Variants in INPP5D observed in about 807,000 individuals in gnomAD.
The protein encoded by INPP5D is phosphatidylinositol 3,4,5-trisphosphate 5-phosphatase 1.
In INPP5D, 33 loss-of-function variants were observed where a neutral mutation model predicts 122.9. That is an observed-to-expected ratio of 0.27 (90% CI 0.20 to 0.36). INPP5D has a LOEUF of 0.36. Ranked by LOEUF, INPP5D falls within the 10% of genes least tolerant of loss-of-function variation. The pLI, the probability that INPP5D is intolerant of heterozygous loss-of-function variation, is 1.00. For synonymous variants in INPP5D, 584 were observed against 576.2 expected (o/e 1.01, Z -0.19); for missense variants, 1,053 against 1,412.7 (o/e 0.75, Z 4.08).
chr2:233,091,413 C>T (rs534556986), intron 2 of INPP5D, among the ~76,000 whole-genome samples: 1 of 152,310 alleles, frequency 6.6e-6, no homozygotes, highest in East Asian at 1.9e-4. Context: ...TCACTGGGCT[C>T]AGGTCAAGGT....
At chr2:233,060,816 A>G (rs1187397629) in intron 1 of INPP5D, among the ~76,000 whole-genome samples, 1 of 152,106 alleles carries the variant, frequency 6.6e-6, no homozygotes, top group Non-Finnish European at 1.5e-5. Flanking sequence ...TGTCAGAACC[A>G]CTCTGAGGCC....
At chr2:233,198,439 C>A in intron 25 of INPP5D, 63 bp downstream of exon 25, 2 of 1,538,026 alleles carry the variant, frequency 1.3e-6, no homozygotes, top group East Asian at 2.3e-5. Context: ...GGGCTTTGGG[C>A]TTTCACCCTA....
intron 13 of INPP5D, among the ~76,000 whole-genome samples, chr2:233,166,707 G>C (rs191211086): frequency 6.6e-6 from 1 of 152,238 alleles, no homozygotes; most frequent in Admixed American, 6.5e-5. Context: ...AATGCTGGTC[G>C]GTGTGGTAGG....
In INPP5D at chr2:233,189,000, G is replaced by A. The variant is rs1443664985; in HGVS notation, c.2359-850G>A. 6.6e-6 allele frequency among the ~76,000 whole-genome samples: 1 copy of A among 152,138 alleles called. No individual in the cohort carries two copies. Among genetic ancestry groups the A allele is most frequent in the African/African-American group, 2.4e-5 (1 of 41,418 alleles). On this transcript the variant is annotated intron_variant, in intron 21 of 26. Coordinates refer to ENST00000445964, the MANE Select transcript of INPP5D (RefSeq NM_001017915.3). This position sits in a 1 kb window ranked among gnomAD's most constrained non-coding sequence, Gnocchi z 4.7. Reference sequence around the variant, plus strand: ...GAACAAAGTATCACCTTTTTATTTGGCCCTTCTGTATGGGAGTCATCGTGA... The same window carrying A: ...GAACAAAGTATCACCTTTTTATTTGACCCTTCTGTATGGGAGTCATCGTGA...
intron 1 of INPP5D, among the ~76,000 whole-genome samples, chr2:233,069,187 C>G (rs28605384): frequency 0.16 from 23,634 of 152,142 alleles, 2,054 homozygotes; most frequent in Middle Eastern, 0.22. Flanking sequence ...AGGCCCCTAA[C>G]AGTTTGGGTT....
At chr2:233,172,362 G>A (rs1158258550) in intron 17 of INPP5D, among the ~76,000 whole-genome samples, 1 of 152,206 alleles carries the variant, frequency 6.6e-6, no homozygotes, top group African/African-American at 2.4e-5. Context: ...GTGCATCAGA[G>A]TGGCATGTGC....
rs769825956 is a variant in INPP5D at position 233,177,865 on chromosome 2, G to A, written c.2071+519G>A. On this transcript the variant is annotated intron_variant, in intron 18 of 26. Coordinates refer to ENST00000445964, the MANE Select transcript of INPP5D (RefSeq NM_001017915.3). The surrounding 1 kb of genome is among the most constrained non-coding windows in gnomAD (Gnocchi z 4.2). ...GCTGAGATTACAGGCATGAGCCACC[G>A]CGGCCGACCCGGAGCACTTTTTTAA... Among the ~76,000 whole-genome samples the A allele has an allele frequency of 4.6e-5, 7 of 152,188 alleles. No individual in the cohort carries two copies. Among genetic ancestry groups the A allele is most frequent in the Non-Finnish European group, 8.8e-5 (6 of 68,036 alleles).
At position 233,164,456 on chromosome 2, in the gene INPP5D, A is replaced by C; in HGVS notation, c.1555+32A>C. On this transcript the variant is annotated intron_variant, in intron 13 of 26. Transcript: ENST00000445964. This position sits in a 1 kb window ranked among gnomAD's most constrained non-coding sequence, Gnocchi z 4.3. ...AGGGCGGGGACCCTGTGTTCCTCCC[A>C]CACCCTCTGCCTCAACTCTCGCGAC... The C allele has an allele frequency of 2.0e-6, 3 of 1,520,798 alleles. No individual in the cohort carries two copies. Among genetic ancestry groups the C allele is most frequent in the Non-Finnish European group, 2.7e-6 (3 of 1,126,670 alleles). The allele number at this position is 1,520,798 out of a possible 1,614,324, so 94.2% of individuals were successfully genotyped here. A position where few individuals can be genotyped will look rare whatever the true frequency, so the allele number is the denominator to read the frequency against.
chr2:233,119,399 A>G (rs1251624115), intron 2 of INPP5D, among the ~76,000 whole-genome samples: 2 of 152,094 alleles, frequency 1.3e-5, no homozygotes, highest in Non-Finnish European at 2.9e-5. Flanking sequence ...TATCATGTCA[A>G]ATTATTTTTG....
chr2:233,177,250 G>A lies in INPP5D; in HGVS notation c.1990-15G>A, dbSNP rs560126307. The A allele has an allele frequency of 6.2e-7, 1 of 1,613,730 alleles. No homozygotes were observed. Among genetic ancestry groups the A allele is most frequent in the Non-Finnish European group, 8.5e-7 (1 of 1,179,764 alleles). ...ATAAGAGGCATTTTTTAAAGCCTAT[G>A]ACTTTGATTTGCAGATGAAGTACAA... is the stretch of plus-strand genomic sequence containing the variant. On this transcript the variant is annotated splice_polypyrimidine_tract_variant and intron_variant, in intron 17 of 26. Transcript: ENST00000445964. The surrounding 1 kb of genome is among the most constrained non-coding windows in gnomAD (Gnocchi z 4.2).
chr2:233,163,768 G>A lies in INPP5D; in HGVS notation c.1302G>A (p.Thr434=), dbSNP rs374758284. ...SWFLSKGQGK[T]RDDSADYIPH... is the part of the protein sequence containing the mutation. ...TTCTCTCCAAGGGGCAGGGAAAGAC[G>A]CGGGACGACTCTGCGGACTACATCC... Residue 434 remains threonine (T), a synonymous_variant, in exon 12 of 27, where the codon ACG becomes ACA. Coordinates refer to ENST00000445964, the MANE Select transcript of INPP5D (RefSeq NM_001017915.3). 8.1e-6 allele frequency: 13 copies of A among 1,613,854 alleles called. No individual in the cohort carries two copies. The Admixed American group carries it at 8.3e-5, about 10-fold the overall frequency.
intron 22 of INPP5D, among the ~76,000 whole-genome samples, chr2:233,190,339 T>C (rs1231548018): frequency 6.6e-6 from 1 of 152,222 alleles, no homozygotes; most frequent in African/African-American, 2.4e-5. Flanking sequence ...CCTGCCCTTC[T>C]CTGCTTCTCA....
intron 2 of INPP5D, among the ~76,000 whole-genome samples, chr2:233,117,051 A>G (rs1465902672): frequency 2.0e-5 from 3 of 152,222 alleles, no homozygotes; most frequent in Admixed American, 6.5e-5. Context: ...GCAGAAATCC[A>G]CGTGTCCGAG....
chr2:233,198,811 G>A (rs778829456), intron 25 of INPP5D, among the ~76,000 whole-genome samples: 5 of 151,926 alleles, frequency 3.3e-5, no homozygotes, highest in Non-Finnish European at 7.4e-5. Context: ...TTAGCCAGGG[G>A]TGGTGGTGCA....
At chr2:233,129,174 A>T (rs1312976483) in intron 4 of INPP5D, among the ~76,000 whole-genome samples, 2 of 152,054 alleles carry the variant, frequency 1.3e-5, no homozygotes, top group Non-Finnish European at 2.9e-5. Context: ...TCAAAAAAAT[A>T]AATAAATAAA....
rs7602877 is a variant in INPP5D at position 233,069,100 on chromosome 2, G to A, written c.134+8488G>A. On this transcript the variant is annotated intron_variant, in intron 1 of 26. Coordinates refer to ENST00000445964, the MANE Select transcript of INPP5D (RefSeq NM_001017915.3). The stretch of plus-strand genomic sequence containing the variant: ...GCTTGACAGGTGCGGCAGCACGTGG[G>A]GACCAGATTCTCTCCCCTGCTCACT... Among the ~76,000 whole-genome samples, 654 of 152,322 alleles carry A rather than the reference G, an allele frequency of 4.3e-3. 4 individuals carry two copies. Among genetic ancestry groups the A allele is most frequent in the African/African-American group, 0.015 (625 of 41,558 alleles).
chr2:233,153,090 G>T (rs948829251), intron 9 of INPP5D, among the ~76,000 whole-genome samples: 1 of 152,206 alleles, frequency 6.6e-6, no homozygotes, highest in South Asian at 2.1e-4. Flanking sequence ...GTAACAGGAC[G>T]AGGGAAACGG....
At chr2:233,080,160 C>T (rs79795989) in intron 2 of INPP5D, among the ~76,000 whole-genome samples, 6,706 of 152,180 alleles carry the variant, frequency 0.044, 194 homozygotes, top group Middle Eastern at 0.11. Context: ...AAACTCCTGA[C>T]AGCGAATGAT....
chr2:233,154,364 G>T (rs941463173), intron 9 of INPP5D, among the ~76,000 whole-genome samples: 5 of 152,156 alleles, frequency 3.3e-5, no homozygotes, highest in Admixed American at 6.5e-5. Context: ...GGCCAGGCTG[G>T]TCTCAAACTC....
Sources: gnomAD v4.1 joint callset for allele counts (sites outside exome capture counted in the v4.1 genomes callset) on GRCh38, gnomAD v4.1.1 for gene constraint, Gnocchi (gnomAD v3.1) non-coding constraint, MANE v1.5 for transcripts, NCBI Gene and HGNC (gene_info 2026-07-23, HGNC 2026-07-21) for gene names.